CACNG2: variants seen among roughly 807,000 people sequenced by gnomAD.
CACNG2 encodes the protein voltage-dependent calcium channel gamma-2 subunit.
A neutral mutation model predicts 25.9 loss-of-function variants in CACNG2; 3 were observed. The observed-to-expected ratio is 0.12, with a 90% CI of 0.05 to 0.30. The LOEUF (loss-of-function observed/expected upper bound fraction) is 0.30, where lower values mean the gene tolerates loss of function less well. Ranked by LOEUF, CACNG2 falls within the 10% of genes least tolerant of loss-of-function variation. CACNG2 has a pLI of 1.00. For synonymous variants in CACNG2, 167 were observed against 173.3 expected, an observed-to-expected ratio of 0.96 and a Z score of 0.29; for missense variants, 341 against 432.5, an observed-to-expected ratio of 0.79 and a Z score of 1.88.
At chr22:36,640,217 G>A (rs988390903) in intron 1 of CACNG2, among the ~76,000 whole-genome samples, 1 of 152,156 alleles carries the variant, frequency 6.6e-6, no homozygotes, top group African/African-American at 2.4e-5. Flanking sequence ...TCACAGGGGC[G>A]GTTGTGAGGA....
At chr22:36,661,853 T>C (rs536773791) in intron 1 of CACNG2, among the ~76,000 whole-genome samples, 1 of 152,166 alleles carries the variant, frequency 6.6e-6, no homozygotes, top group South Asian at 2.1e-4. Context: ...TTAACACTTT[T>C]CTGAGCCTCA....
intron 1 of CACNG2, among the ~76,000 whole-genome samples, chr22:36,610,106 G>A (rs1050961055): frequency 1.3e-5 from 2 of 149,620 alleles, no homozygotes; most frequent in African/African-American, 4.9e-5. Context: ...TGTGATCAGG[G>A]AGGAAATCAG....
chr22:36,600,551 G>GTT (rs36076374), intron 1 of CACNG2, among the ~76,000 whole-genome samples: 4 of 141,922 alleles, frequency 2.8e-5, no homozygotes, highest in Non-Finnish European at 4.6e-5. Flanking sequence ...TTTTAAATTT[G>GTT]TTTTTTTTTT....
intron 1 of CACNG2, among the ~76,000 whole-genome samples, chr22:36,684,615 CA>C (rs10647451): frequency 1.9e-3 from 189 of 101,296 alleles, no homozygotes; most frequent in Middle Eastern, 0.017. Flanking sequence ...GACCTTGTCT[CA>C]AAAAAAAAAA....
At chr22:36,616,988 C>T (rs1936031158) in intron 1 of CACNG2, among the ~76,000 whole-genome samples, 1 of 152,138 alleles carries the variant, frequency 6.6e-6, no homozygotes, top group Non-Finnish European at 1.5e-5. Flanking sequence ...AGACATTGAC[C>T]AAGTTATGGT....
chr22:36,665,004 A>G (rs1426207723), intron 1 of CACNG2, among the ~76,000 whole-genome samples: 1 of 152,138 alleles, frequency 6.6e-6, no homozygotes, highest in Non-Finnish European at 1.5e-5. Flanking sequence ...CGAGAGTGGG[A>G]GGGCCTGCTA....
intron 1 of CACNG2, among the ~76,000 whole-genome samples, chr22:36,658,345 C>T (rs750103437): frequency 1.3e-5 from 2 of 152,204 alleles, no homozygotes; most frequent in African/African-American, 2.4e-5. Context: ...GGAAAGTCCT[C>T]CTCTCGCCAA....
At chr22:36,634,732 C>G (rs1936328931) in intron 1 of CACNG2, among the ~76,000 whole-genome samples, 1 of 152,122 alleles carries the variant, frequency 6.6e-6, no homozygotes. Flanking sequence ...CCAGGTTTTG[C>G]TAGGCTCTGA....
intron 1 of CACNG2, among the ~76,000 whole-genome samples, chr22:36,676,329 T>G (rs183254827): frequency 6.6e-6 from 1 of 152,226 alleles, no homozygotes; most frequent in Non-Finnish European, 1.5e-5. Context: ...ATTCTCTGAT[T>G]GGAACCATGG....
At chr22:36,607,114 G>A (rs940237820) in intron 1 of CACNG2, among the ~76,000 whole-genome samples, 2 of 152,124 alleles carry the variant, frequency 1.3e-5, no homozygotes, top group African/African-American at 4.8e-5. Context: ...GTGGCTGAGT[G>A]GGGAAAGGAC....
At chr22:36,664,217 A>G (rs5750282) in intron 1 of CACNG2, among the ~76,000 whole-genome samples, 152,262 of 152,264 alleles carry the variant, frequency 1, 76,130 homozygotes, top group Middle Eastern at 1. Flanking sequence ...AGAGCCAAGA[A>G]GGTCAGACAC....
At chr22:36,693,095 A>C (rs1486505675) in intron 1 of CACNG2, among the ~76,000 whole-genome samples, 1 of 152,184 alleles carries the variant, frequency 6.6e-6, no homozygotes, top group Non-Finnish European at 1.5e-5. Context: ...GCAGTGAGCC[A>C]AGATTGCACC....
intron 1 of CACNG2, among the ~76,000 whole-genome samples, chr22:36,687,306 C>A (rs1239986622): frequency 2.6e-5 from 4 of 152,216 alleles, no homozygotes; most frequent in Non-Finnish European, 5.9e-5. Context: ...AGACACTGCT[C>A]ATTTAATTTT....
At chr22:36,699,500 C>T (rs905050107) in intron 1 of CACNG2, among the ~76,000 whole-genome samples, 2 of 151,710 alleles carry the variant, frequency 1.3e-5, no homozygotes, top group Non-Finnish European at 2.9e-5. Context: ...GACAAAAAGC[C>T]CTAATGAAAA....
At chr22:36,662,956 G>T (rs1055332847) in intron 1 of CACNG2, among the ~76,000 whole-genome samples, 9 of 151,874 alleles carry the variant, frequency 5.9e-5, no homozygotes, top group African/African-American at 2.2e-4. Flanking sequence ...TATCACTGGG[G>T]CCCTGCACCA....
chr22:36,693,077 C>T (rs1471564811), intron 1 of CACNG2, among the ~76,000 whole-genome samples: 2 of 152,080 alleles, frequency 1.3e-5, no homozygotes, highest in African/African-American at 2.4e-5. Context: ...ACCCAGCAGA[C>T]GGAGGCTGCA....
intron 1 of CACNG2, among the ~76,000 whole-genome samples, chr22:36,651,612 T>C (rs1936616736): frequency 6.6e-6 from 1 of 152,202 alleles, no homozygotes. Context: ...CCTAGAAACA[T>C]GCTATATATT....
At chr22:36,676,050 C>A (rs1000342827) in intron 1 of CACNG2, among the ~76,000 whole-genome samples, 2 of 152,172 alleles carry the variant, frequency 1.3e-5, no homozygotes, top group African/African-American at 2.4e-5. Flanking sequence ...ACCGGTCACA[C>A]CTGGCTCGTG....
intron 2 of CACNG2, among the ~76,000 whole-genome samples, chr22:36,580,385 C>T (rs1935394362): frequency 6.6e-6 from 1 of 152,106 alleles, no homozygotes; most frequent in South Asian, 2.1e-4. Context: ...TCAGTGAATC[C>T]CTGGGGAGGT....
Sources: gnomAD v4.1 joint callset for allele counts (sites outside exome capture counted in the v4.1 genomes callset) on GRCh38, gnomAD v4.1.1 for gene constraint, MANE v1.5 for transcripts, NCBI Gene and HGNC (gene_info 2026-07-23, HGNC 2026-07-21) for gene names.